Variants in HS6ST3 observed in about 807,000 individuals in gnomAD.
HS6ST3 encodes heparan-sulfate 6-O-sulfotransferase 3.
HS6ST3 carries 12 observed loss-of-function variants against 36.7 expected under a neutral mutation model. That is an observed-to-expected ratio of 0.33 (90% CI 0.21 to 0.53). The LOEUF (loss-of-function observed/expected upper bound fraction) is 0.53, where lower values mean the gene tolerates loss of function less well. Among genes scored for constraint, HS6ST3 ranks in the 20% least tolerant of loss-of-function variants. The pLI is 0.95. For synonymous variants in HS6ST3, 240 were observed against 257.5 expected, an observed-to-expected ratio of 0.93 and a Z score of 0.65; for missense variants, 584 against 640.9, an observed-to-expected ratio of 0.91 and a Z score of 0.96.
intron 1 of HS6ST3, among the ~76,000 whole-genome samples, chr13:96,179,711 G>A (rs4773938): frequency 0.91 from 138,807 of 152,256 alleles, 63,402 homozygotes; most frequent in Non-Finnish European, 0.94. Context: ...AGTCTGTCTT[G>A]GATTATACTT....
At chr13:96,243,543 G>A (rs934626244) in intron 1 of HS6ST3, among the ~76,000 whole-genome samples, 1 of 152,266 alleles carries the variant, frequency 6.6e-6, no homozygotes, top group Non-Finnish European at 1.5e-5. Flanking sequence ...GAACAACAAA[G>A]TTGTCAGAGT....
intron 1 of HS6ST3, among the ~76,000 whole-genome samples, chr13:96,202,134 C>T (rs946609545): frequency 6.6e-6 from 1 of 152,100 alleles, no homozygotes; most frequent in Non-Finnish European, 1.5e-5. Context: ...ATTATTCTAT[C>T]CCCTAAATCC....
chr13:96,329,699 C>T lies in HS6ST3; in HGVS notation c.707+238130C>T, dbSNP rs1325492508. Among the ~76,000 whole-genome samples, 646 of 114,440 alleles carry T rather than the reference C, an allele frequency of 5.6e-3. 3 individuals are homozygous for T. The highest frequency in any genetic ancestry group is 0.018 in the African/African-American group (476 of 26,872). The allele number at this position is 114,440 out of a possible 152,430, so 75.1% of individuals were successfully genotyped here. On this transcript the variant is annotated intron_variant, in intron 1 of 1. Coordinates refer to ENST00000376705, the MANE Select transcript of HS6ST3 (RefSeq NM_153456.4). Reference sequence around the variant, plus strand: ...GAGTTCTGTAGATGTCTATTAGGTCCGCTTGGTGCAGAGCTGAGTTCAATT... The same window carrying T: ...GAGTTCTGTAGATGTCTATTAGGTCTGCTTGGTGCAGAGCTGAGTTCAATT...
intron 1 of HS6ST3, among the ~76,000 whole-genome samples, chr13:96,151,099 T>TA (rs914416485): frequency 2.0e-5 from 3 of 152,008 alleles, no homozygotes; most frequent in Admixed American, 1.3e-4. Flanking sequence ...GCCAGTCCAC[T>TA]AAAAAAAGAC....
intron 1 of HS6ST3, among the ~76,000 whole-genome samples, chr13:96,299,179 G>T (rs2038823): frequency 0.085 from 12,898 of 152,144 alleles, 672 homozygotes; most frequent in Middle Eastern, 0.14. Context: ...CGTAGAATTC[G>T]CAATCTATTG....
At chr13:96,122,050 G>T (rs548273636) in intron 1 of HS6ST3, among the ~76,000 whole-genome samples, 1 of 151,544 alleles carries the variant, frequency 6.6e-6, no homozygotes, top group African/African-American at 2.4e-5. Flanking sequence ...CCTCTGAGCT[G>T]GCTAATGCAA....
chr13:96,108,912 G>A (rs537069732), intron 1 of HS6ST3, among the ~76,000 whole-genome samples: 1 of 152,190 alleles, frequency 6.6e-6, no homozygotes, highest in South Asian at 2.1e-4. Flanking sequence ...GGAGGTCACA[G>A]GGCAGCATTC....
At chr13:96,385,765 T>G (rs914340304) in intron 1 of HS6ST3, among the ~76,000 whole-genome samples, 5 of 152,228 alleles carry the variant, frequency 3.3e-5, no homozygotes, top group Non-Finnish European at 4.4e-5. Flanking sequence ...TAAGAATTCT[T>G]TTTTGAGTGC....
intron 1 of HS6ST3, among the ~76,000 whole-genome samples, chr13:96,439,761 C>T (rs1566361562): frequency 6.6e-6 from 1 of 152,134 alleles, no homozygotes; most frequent in African/African-American, 2.4e-5. Context: ...TGTCTAGAGG[C>T]TAGGGTTGTG....
chr13:96,254,881 A>G (rs1423779910), intron 1 of HS6ST3, among the ~76,000 whole-genome samples: 2 of 152,178 alleles, frequency 1.3e-5, no homozygotes, highest in Admixed American at 1.3e-4. Flanking sequence ...ACCCAAAGAA[A>G]AAAGCTGACT....
In HS6ST3 at chr13:96,552,081, A is replaced by T. The variant is rs571017929; in HGVS notation, c.708-280409A>T. ...CAATCTTAACTGATATCCTAGGGAAAAAGTTTATTGCATGCATTAAAAATG... is the reference window on the plus strand; with the variant it reads ...CAATCTTAACTGATATCCTAGGGAATAAGTTTATTGCATGCATTAAAAATG... On this transcript the variant is annotated intron_variant, in intron 1 of 1. Transcript: ENST00000376705. Among the ~76,000 whole-genome samples the T allele has an allele frequency of 1.4e-3, 219 of 152,204 alleles. 1 individual carries two copies. Among genetic ancestry groups the T allele is most frequent in the Non-Finnish European group, 2.8e-3 (190 of 68,028 alleles).
chr13:96,596,279 G>T (rs1566407037), intron 1 of HS6ST3, among the ~76,000 whole-genome samples: 1 of 151,970 alleles, frequency 6.6e-6, no homozygotes, highest in Non-Finnish European at 1.5e-5. Context: ...ACATTATTTT[G>T]GTTTTTTATG....
intron 1 of HS6ST3, among the ~76,000 whole-genome samples, chr13:96,530,427 A>G (rs2056131010): frequency 6.6e-6 from 1 of 152,158 alleles, no homozygotes; most frequent in African/African-American, 2.4e-5. Context: ...AGTTGACCCA[A>G]ATAGAAGCCT....
At chr13:96,447,054 G>T (rs1025186850) in intron 1 of HS6ST3, among the ~76,000 whole-genome samples, 1 of 151,900 alleles carries the variant, frequency 6.6e-6, no homozygotes, top group Non-Finnish European at 1.5e-5. Context: ...CCAATATCAC[G>T]TATCACCCTG....
At chr13:96,342,538 C>T (rs2055135997) in intron 1 of HS6ST3, among the ~76,000 whole-genome samples, 1 of 152,142 alleles carries the variant, frequency 6.6e-6, no homozygotes, top group Admixed American at 6.5e-5. Flanking sequence ...TGTTTACTTG[C>T]TAATGTCATC....
chr13:96,319,511 G>C (rs2054993107), intron 1 of HS6ST3, among the ~76,000 whole-genome samples: 1 of 152,072 alleles, frequency 6.6e-6, no homozygotes, highest in Non-Finnish European at 1.5e-5. Context: ...TATATACCTT[G>C]GAATCGAATT....
intron 1 of HS6ST3, among the ~76,000 whole-genome samples, chr13:96,230,426 G>T (rs9516644): frequency 0.49 from 75,187 of 151,918 alleles, 18,762 homozygotes; most frequent in Admixed American, 0.58. Flanking sequence ...TAAATTGAGT[G>T]TTTGGAGATG....
At chr13:96,142,663 G>A (rs1457714373) in intron 1 of HS6ST3, among the ~76,000 whole-genome samples, 4 of 152,014 alleles carry the variant, frequency 2.6e-5, no homozygotes, top group Admixed American at 6.6e-5. Flanking sequence ...TATGATACAC[G>A]GGAACATCTC....
chr13:96,721,073 G>A (rs995367567), intron 1 of HS6ST3, among the ~76,000 whole-genome samples: 1 of 152,196 alleles, frequency 6.6e-6, no homozygotes, highest in African/African-American at 2.4e-5. Flanking sequence ...AGCAGCCTCT[G>A]TGGCAAAGTT....
Sources: gnomAD v4.1 joint callset for allele counts (sites outside exome capture counted in the v4.1 genomes callset) on GRCh38, gnomAD v4.1.1 for gene constraint, MANE v1.5 for transcripts, NCBI Gene and HGNC (gene_info 2026-07-23, HGNC 2026-07-21) for gene names.